The following CCDC169 variants were observed in gnomAD, a reference collection of about 807,000 sequenced individuals.
CCDC169 encodes coiled-coil domain-containing protein 169.
A neutral mutation model predicts 36.0 loss-of-function variants in CCDC169; 30 were observed. The observed-to-expected ratio is 0.83, with a 90% confidence interval of 0.62 to 1.13. CCDC169 has a LOEUF of 1.13. Ranked by LOEUF, CCDC169 falls within the 50% of genes most tolerant of loss-of-function variation. The pLI is 0.00. For synonymous variants in CCDC169, 85 were observed against 81.5 expected (o/e 1.04, Z -0.23); for missense variants, 245 against 245.9 (o/e 1.00, Z 0.03).
At chr13:36,238,778 C>T (rs2138410525) in intron 7 of CCDC169, among the ~76,000 whole-genome samples, 1 of 152,256 alleles carries the variant, frequency 6.6e-6, no homozygotes, top group Admixed American at 6.5e-5. Flanking sequence ...AGGTACTTCA[C>T]TGGTAAAAGA....
chr13:36,247,535 C>T (rs1566065234), intron 7 of CCDC169, among the ~76,000 whole-genome samples: 1 of 151,998 alleles, frequency 6.6e-6, no homozygotes, highest in Non-Finnish European at 1.5e-5. Flanking sequence ...AAGTTGATTC[C>T]AACCCTCACA....
intron 7 of CCDC169, among the ~76,000 whole-genome samples, chr13:36,231,992 G>T (rs1029032273): frequency 6.6e-6 from 1 of 152,126 alleles, no homozygotes; most frequent in Admixed American, 6.6e-5. Context: ...TTGGCAATAT[G>T]GTTAGAAGCA....
At chr13:36,222,074 T>A (rs2138352624) in exon 7 of CCDC169, 1 of 152,318 alleles carries the variant, frequency 6.6e-6, no homozygotes, top group South Asian at 2.1e-4. Flanking sequence ...TACTTCTGGC[T>A]TTGAGAGTAA....
chr13:36,237,002 C>T (rs565377027), intron 7 of CCDC169, among the ~76,000 whole-genome samples: 245 of 151,974 alleles, frequency 1.6e-3, no homozygotes, highest in Non-Finnish European at 3.0e-3. Context: ...TACATTAACA[C>T]AAAAGTAAAT....
At chr13:36,239,308 T>C (rs1416543715) in intron 7 of CCDC169, among the ~76,000 whole-genome samples, 1 of 151,984 alleles carries the variant, frequency 6.6e-6, no homozygotes, top group African/African-American at 2.4e-5. Context: ...AGAGAAAATA[T>C]TCTTTCATAA....
chr13:36,264,618 G>A (rs1209722790), intron 4 of CCDC169, among the ~76,000 whole-genome samples: 1 of 152,144 alleles, frequency 6.6e-6, no homozygotes, highest in Non-Finnish European at 1.5e-5. Context: ...TTTCAGGTGT[G>A]AATTTGCAAT....
At chr13:36,222,975 A>T (rs540493280), downstream of CCDC169, 1 of 152,298 alleles carries the variant, frequency 6.6e-6, no homozygotes, top group East Asian at 1.9e-4. Context: ...GGAGGACAGG[A>T]AAGGGCAGAA....
At chr13:36,279,710 C>T (rs1877266318) in intron 4 of CCDC169, among the ~76,000 whole-genome samples, 2 of 152,152 alleles carry the variant, frequency 1.3e-5, no homozygotes, top group South Asian at 2.1e-4. Context: ...CAGCTTCTGC[C>T]TGTTTTTGTA....
chr13:36,240,600 T>C (rs1396641200), intron 7 of CCDC169: 1 of 1,276,750 alleles, frequency 7.8e-7, no homozygotes, highest in African/African-American at 1.5e-5. Context: ...CCTCAGGTTC[T>C]TTTGCTCCAG....
At chr13:36,289,115 A>G (rs1878577888) in intron 2 of CCDC169, among the ~76,000 whole-genome samples, 1 of 152,164 alleles carries the variant, frequency 6.6e-6, no homozygotes, top group Non-Finnish European at 1.5e-5. Flanking sequence ...GGTTTTCTTA[A>G]GGTATTACTT....
downstream of CCDC169, among the ~76,000 whole-genome samples, chr13:36,227,917 C>T (rs1232952592): frequency 6.6e-6 from 1 of 152,148 alleles, no homozygotes; most frequent in Non-Finnish European, 1.5e-5. Flanking sequence ...TGGAATTATG[C>T]AATATATGGT....
At chr13:36,257,521 G>A (rs1018136476) in intron 4 of CCDC169, among the ~76,000 whole-genome samples, 3 of 151,842 alleles carry the variant, frequency 2.0e-5, no homozygotes, top group African/African-American at 7.3e-5. Flanking sequence ...TGGCCAATAT[G>A]GTGAAACCCC....
intron 1 of CCDC169, 89 bp downstream of exon 1, chr13:36,297,548 C>T: frequency 3.1e-6 from 4 of 1,305,096 alleles, no homozygotes; most frequent in Non-Finnish European, 4.3e-6. Flanking sequence ...GGTCTTACAG[C>T]ACCCTCAGCG....
At chr13:36,236,639 T>C (rs1871113007) in intron 7 of CCDC169, among the ~76,000 whole-genome samples, 1 of 152,066 alleles carries the variant, frequency 6.6e-6, no homozygotes, top group Non-Finnish European at 1.5e-5. Flanking sequence ...TTGAGAACTT[T>C]TGTGTTTCTA....
rs558637589 is a variant in CCDC169, at chr13:36,263,903, G to T, written c.316-9760C>A. 2.4e-4 allele frequency among the ~76,000 whole-genome samples: 37 copies of T among 152,282 alleles called. No individual in the cohort carries two copies. In the South Asian group the frequency reaches 6.8e-3, roughly 28 times the overall value. ...GCTTTTGAAGGGATAATCAGGGGGT[G>T]AGGGAGGTAGTTCAAAATTCTGCCA... On this transcript the variant is annotated intron_variant, in intron 4 of 7. Transcript: ENST00000239859.
intron 6 of CCDC169, among the ~76,000 whole-genome samples, chr13:36,251,154 A>G (rs977583927): frequency 2.0e-4 from 30 of 152,250 alleles, no homozygotes; most frequent in African/African-American, 6.8e-4. Context: ...CATTCAAAAC[A>G]GTGAATCAAG....
At chr13:36,256,707 C>T (rs901983407) in intron 4 of CCDC169, among the ~76,000 whole-genome samples, 3 of 152,186 alleles carry the variant, frequency 2.0e-5, no homozygotes, top group South Asian at 2.1e-4. Flanking sequence ...TGATATGAGG[C>T]CCCCACCGGC....
intron 4 of CCDC169, among the ~76,000 whole-genome samples, chr13:36,270,248 C>T (rs545228761): frequency 6.6e-5 from 10 of 152,006 alleles, no homozygotes. Context: ...GAACTACAAA[C>T]CACTGCTGAA....
intron 4 of CCDC169, among the ~76,000 whole-genome samples, chr13:36,258,319 G>C (rs1268208594): frequency 1.3e-5 from 2 of 152,158 alleles, no homozygotes; most frequent in East Asian, 1.9e-4. Context: ...ATTTGAAACA[G>C]AGCAACTCCA....
Sources: gnomAD v4.1 joint callset for allele counts (sites outside exome capture counted in the v4.1 genomes callset) on GRCh38, gnomAD v4.1.1 for gene constraint, MANE v1.5 for transcripts, NCBI Gene and HGNC (gene_info 2026-07-23, HGNC 2026-07-21) for gene names.